NELL2: variants seen among roughly 807,000 people sequenced by gnomAD.
NELL2 encodes protein kinase C-binding protein NELL2.
A neutral mutation model predicts 109.6 loss-of-function variants in NELL2; 41 were observed. That is an observed-to-expected ratio of 0.37 (90% CI 0.29 to 0.49). The LOEUF is 0.49. Ranked by LOEUF, NELL2 falls within the 20% of genes least tolerant of loss-of-function variation. The probability of loss-of-function intolerance (pLI) is 0.98; values close to 1 mark genes in which losing one functional copy is unlikely to be tolerated. For synonymous variants in NELL2, 355 were observed against 344.7 expected, an observed-to-expected ratio of 1.03 and a Z score of -0.33; for missense variants, 900 against 1,008.3, an observed-to-expected ratio of 0.89 and a Z score of 1.45.
At chr12:44,821,622 T>G (rs952085939) in intron 2 of NELL2, among the ~76,000 whole-genome samples, 1 of 152,212 alleles carries the variant, frequency 6.6e-6, no homozygotes, top group African/African-American at 2.4e-5. Context: ...ATTATTATGA[T>G]AAGACCTAAT....
At chr12:44,847,524 T>A (rs780449038) in intron 2 of NELL2, among the ~76,000 whole-genome samples, 33 of 150,032 alleles carry the variant, frequency 2.2e-4, no homozygotes, top group Non-Finnish European at 3.7e-4. Flanking sequence ...GCCTAAGCAG[T>A]CTTCTGCCTG....
rs1458185374 is a variant in NELL2, at chr12:44,875,883, T to A, written c.-14A>T. On this transcript the variant is annotated 5_prime_UTR_variant, in exon 1 of 20. It removes the in-frame stop codon of an upstream open reading frame in the 5' UTR. Transcript: ENST00000429094. Reference sequence around the variant, plus strand: ...CCGAGACTCCATGGTGCGGATCAGCTCAGTCCATCGTCTCCCTCTTTAAAA... The same window carrying A: ...CCGAGACTCCATGGTGCGGATCAGCACAGTCCATCGTCTCCCTCTTTAAAA... 1.2e-6 allele frequency: 2 copies of A among 1,613,836 alleles called. No homozygotes were observed. Among genetic ancestry groups the A allele is most frequent in the Non-Finnish European group, 1.7e-6 (2 of 1,180,032 alleles).
chr12:44,760,536 C>T (rs768508057), intron 9 of NELL2, among the ~76,000 whole-genome samples: 3 of 151,960 alleles, frequency 2.0e-5, no homozygotes, highest in Non-Finnish European at 4.4e-5. Flanking sequence ...GAATTAGTAT[C>T]CTAAGACACA....
At chr12:44,556,776 T>G (rs563802664) in intron 15 of NELL2, among the ~76,000 whole-genome samples, 1 of 152,332 alleles carries the variant, frequency 6.6e-6, no homozygotes, top group South Asian at 2.1e-4. Flanking sequence ...AAGTGACTTC[T>G]AAAATGATTA....
intron 15 of NELL2, among the ~76,000 whole-genome samples, chr12:44,570,476 C>G (rs142756941): frequency 2.0e-5 from 3 of 151,978 alleles, no homozygotes; most frequent in Admixed American, 2.0e-4. Flanking sequence ...CAATCGAAGC[C>G]GATAATTCAG....
intron 15 of NELL2, among the ~76,000 whole-genome samples, chr12:44,554,946 A>C (rs1943188441): frequency 6.6e-6 from 1 of 152,246 alleles, no homozygotes; most frequent in Non-Finnish European, 1.5e-5. Context: ...GAAATTTCAC[A>C]GACACAGGTT....
chr12:44,530,990 C>A (rs1942026905), intron 16 of NELL2, among the ~76,000 whole-genome samples: 1 of 152,164 alleles, frequency 6.6e-6, no homozygotes, highest in Admixed American at 6.5e-5. Context: ...ACTAATACAA[C>A]CCACTAGAGA....
At chr12:44,780,272 C>A (rs1941909022) in intron 3 of NELL2, among the ~76,000 whole-genome samples, 1 of 151,842 alleles carries the variant, frequency 6.6e-6, no homozygotes, top group Non-Finnish European at 1.5e-5. Flanking sequence ...GGACTTGGAG[C>A]TAAAGAAGGC....
intron 2 of NELL2, among the ~76,000 whole-genome samples, chr12:44,855,610 T>C (rs552665704): frequency 6.6e-6 from 1 of 152,210 alleles, no homozygotes; most frequent in African/African-American, 2.4e-5. Context: ...TTTGCAATAA[T>C]GGAGAAGTAC....
At chr12:44,533,304 T>A (rs1325692696) in intron 15 of NELL2, among the ~76,000 whole-genome samples, 1 of 152,134 alleles carries the variant, frequency 6.6e-6, no homozygotes, top group Non-Finnish European at 1.5e-5. Context: ...TAGTTGACAC[T>A]CTAATATAGA....
At chr12:44,825,780 T>C (rs1943693108) in intron 2 of NELL2, among the ~76,000 whole-genome samples, 1 of 148,892 alleles carries the variant, frequency 6.7e-6, no homozygotes, top group Non-Finnish European at 1.5e-5. Context: ...GCCCGGTGAC[T>C]CATGCCTGTA....
At chr12:44,876,457 A>T (rs1438985878), upstream of NELL2, 1 of 1,296,788 alleles carries the variant, frequency 7.7e-7, no homozygotes, top group Non-Finnish European at 9.8e-7. Context: ...GGTCTCCTGG[A>T]TGCCAAACCC....
chr12:44,889,145 T>A (rs1317368933), intron 1 of NELL2, among the ~76,000 whole-genome samples: 2 of 152,106 alleles, frequency 1.3e-5, no homozygotes, highest in Admixed American at 6.5e-5. Context: ...TATCACTCCC[T>A]CTTTGTGAGG....
At chr12:44,900,049 C>T (rs1384271621) in intron 1 of NELL2, among the ~76,000 whole-genome samples, 1 of 152,098 alleles carries the variant, frequency 6.6e-6, no homozygotes, top group Non-Finnish European at 1.5e-5. Flanking sequence ...ATCAATGCAA[C>T]AAGAAGAGAT....
chr12:44,786,887 C>T (rs1942197064), intron 3 of NELL2, among the ~76,000 whole-genome samples: 1 of 151,694 alleles, frequency 6.6e-6, no homozygotes, highest in Admixed American at 6.6e-5. Flanking sequence ...GGGGTGGGGG[C>T]AAGATGAGGG....
At chr12:44,695,384 T>C (rs1013861827) in intron 12 of NELL2, among the ~76,000 whole-genome samples, 2 of 152,168 alleles carry the variant, frequency 1.3e-5, no homozygotes, top group Non-Finnish European at 2.9e-5. Context: ...TATGCTACTC[T>C]TTCTTATAAA....
chr12:44,610,064 T>A (rs1475156333), intron 14 of NELL2, among the ~76,000 whole-genome samples: 1 of 151,958 alleles, frequency 6.6e-6, no homozygotes, highest in Non-Finnish European at 1.5e-5. Flanking sequence ...TGGATTGTGG[T>A]GAACTACAGT....
chr12:44,878,515 G>T (rs1439886228), upstream of NELL2, among the ~76,000 whole-genome samples: 1 of 152,122 alleles, frequency 6.6e-6, no homozygotes, highest in Admixed American at 6.5e-5. Context: ...CCTGTGCCTT[G>T]TAGGATGTTA....
intron 15 of NELL2, among the ~76,000 whole-genome samples, chr12:44,548,868 C>T (rs1334464446): frequency 6.6e-6 from 1 of 152,124 alleles, no homozygotes; most frequent in Non-Finnish European, 1.5e-5. Context: ...TTCTAATTTC[C>T]TATGGAAGTT....
Sources: allele counts gnomAD v4.1 joint callset (sites outside exome capture counted in the v4.1 genomes callset), GRCh38; gene constraint gnomAD v4.1.1; transcripts MANE v1.5; gene names NCBI Gene and HGNC (gene_info 2026-07-23, HGNC 2026-07-21).